WWOX: variants seen among roughly 807,000 people sequenced by gnomAD.
The protein encoded by WWOX is WW domain containing oxidoreductase.
WWOX carries 69 observed loss-of-function variants against 46.2 expected under a neutral mutation model. The observed-to-expected ratio is 1.49, with a 90% CI of 1.23 to 1.82. WWOX has a LOEUF of 1.82. Among genes scored for constraint, WWOX ranks in the 40% most tolerant of loss-of-function variants. The probability of loss-of-function intolerance (pLI) is 0.00; values close to 1 mark genes in which losing one functional copy is unlikely to be tolerated. For missense variants in WWOX, 919 were observed against 542.6 expected (o/e 1.69, Z -6.89); for synonymous variants, 359 against 202.6 (o/e 1.77, Z -6.56).
chr16:78,279,878 G>A (rs1423534221), intron 5 of WWOX, among the ~76,000 whole-genome samples: 3 of 152,260 alleles, frequency 2.0e-5, no homozygotes. Context: ...TGGTCCTTCT[G>A]TCCTGGGACC....
intron 8 of WWOX, among the ~76,000 whole-genome samples, chr16:79,002,384 C>T (rs959687651): frequency 1.1e-4 from 16 of 151,996 alleles, no homozygotes; most frequent in Admixed American, 2.0e-4. Context: ...CCACCATGCC[C>T]GGCTAGTTTT....
At chr16:78,492,594 G>A (rs974685202) in intron 8 of WWOX, among the ~76,000 whole-genome samples, 2 of 152,172 alleles carry the variant, frequency 1.3e-5, no homozygotes, top group African/African-American at 4.8e-5. Flanking sequence ...AGATATTCAT[G>A]GAATCACTGT....
intron 8 of WWOX, among the ~76,000 whole-genome samples, chr16:78,735,405 A>ACACACACACACACACACACACC (rs1182739066): frequency 5.3e-5 from 8 of 150,446 alleles, no homozygotes; most frequent in African/African-American, 2.0e-4. Context: ...ACACACACAC[A>ACACACACACACACACACACACC]CACACACACA....
chr16:78,554,350 C>T (rs915053711), intron 8 of WWOX, among the ~76,000 whole-genome samples: 20 of 152,004 alleles, frequency 1.3e-4, no homozygotes, highest in South Asian at 2.1e-4. Context: ...TATATCCTAC[C>T]GCTCAAAGCC....
intron 8 of WWOX, among the ~76,000 whole-genome samples, chr16:78,522,899 C>T (rs556861091): frequency 6.6e-6 from 1 of 152,142 alleles, no homozygotes; most frequent in Non-Finnish European, 1.5e-5. Context: ...TGGTAAAATC[C>T]CGTCTCCACT....
chr16:78,587,630 T>C (rs1214833532), intron 8 of WWOX, among the ~76,000 whole-genome samples: 3 of 152,076 alleles, frequency 2.0e-5, no homozygotes, highest in East Asian at 1.9e-4. Context: ...GTTGGATCCA[T>C]AGGACATTTT....
intron 5 of WWOX, among the ~76,000 whole-genome samples, chr16:78,362,029 G>C (rs1000210206): frequency 1.4e-5 from 2 of 142,720 alleles, no homozygotes; most frequent in Non-Finnish European, 3.0e-5. Context: ...AACCATTCCA[G>C]CTTTTTCTGG....
chr16:78,427,879 C>G (rs777644271), intron 7 of WWOX, among the ~76,000 whole-genome samples: 5 of 152,174 alleles, frequency 3.3e-5, no homozygotes, highest in Non-Finnish European at 5.9e-5. Flanking sequence ...ATCAGCCTAG[C>G]CAGCATGGCG....
At chr16:78,641,008 A>T (rs1318768617) in intron 8 of WWOX, among the ~76,000 whole-genome samples, 4 of 151,830 alleles carry the variant, frequency 2.6e-5, no homozygotes, top group African/African-American at 7.3e-5. Flanking sequence ...AAGGGAAAGG[A>T]AAGGAACCAG....
chr16:78,550,729 G>C (rs1405697169), intron 8 of WWOX: 1 of 152,130 alleles, frequency 6.6e-6, no homozygotes, highest in Non-Finnish European at 1.5e-5. Context: ...GTGGTTGGAT[G>C]GGAAGGCGGG....
intron 8 of WWOX, among the ~76,000 whole-genome samples, chr16:78,600,141 A>G (rs1038293053): frequency 6.6e-6 from 1 of 152,116 alleles, no homozygotes; most frequent in Admixed American, 6.5e-5. Flanking sequence ...ATCTCGTGAG[A>G]CTTGTTCACT....
chr16:78,767,469 AGTGTGTGTGTGTCTGTGTGTGTGTGT>A (rs1363669434), intron 8 of WWOX, among the ~76,000 whole-genome samples: 1 of 114,234 alleles, frequency 8.8e-6, no homozygotes, highest in African/African-American at 3.4e-5. Context: ...TTTCTGTGTG[AGTGTGTGTGTGTCTGTGTGTGTGTGT>A]GTGTGTGTGT....
intron 8 of WWOX, among the ~76,000 whole-genome samples, chr16:78,633,331 C>G (rs2046486226): frequency 6.6e-6 from 1 of 152,134 alleles, no homozygotes. Flanking sequence ...TGGGGCTACC[C>G]AACTAGGTCG....
intron 8 of WWOX, among the ~76,000 whole-genome samples, chr16:78,928,265 C>T (rs974007812): frequency 1.4e-4 from 21 of 148,666 alleles, no homozygotes; most frequent in Non-Finnish European, 2.8e-4. Flanking sequence ...TGCAGTGGCG[C>T]GATCTCGGCT....
intron 5 of WWOX, among the ~76,000 whole-genome samples, chr16:78,370,008 T>G (rs1467660227): frequency 6.6e-6 from 1 of 151,544 alleles, no homozygotes; most frequent in Non-Finnish European, 1.5e-5. Context: ...GGTGCATGTC[T>G]GTAATCCCAG....
At chr16:79,197,591 A>G (rs117758294) in intron 8 of WWOX, among the ~76,000 whole-genome samples, 2 of 152,266 alleles carry the variant, frequency 1.3e-5, no homozygotes, top group African/African-American at 4.8e-5. Context: ...TTATCAGACC[A>G]TTTCATTAGA....
intron 8 of WWOX, among the ~76,000 whole-genome samples, chr16:78,968,505 G>A (rs2046407864): frequency 6.6e-6 from 1 of 152,188 alleles, no homozygotes; most frequent in Non-Finnish European, 1.5e-5. Context: ...ATGTTTCATT[G>A]TTAACCATCA....
chr16:78,332,626 A>G (rs1470651095), intron 5 of WWOX, among the ~76,000 whole-genome samples: 1 of 152,172 alleles, frequency 6.6e-6, no homozygotes, highest in Non-Finnish European at 1.5e-5. Context: ...TTGGGTGGTT[A>G]ATGATCTGAT....
At chr16:79,072,508 G>A (rs911008016) in intron 8 of WWOX, among the ~76,000 whole-genome samples, 2 of 152,178 alleles carry the variant, frequency 1.3e-5, no homozygotes, top group Non-Finnish European at 2.9e-5. Flanking sequence ...ACAGAGAAAA[G>A]CTACACCATT....
Sources: gnomAD v4.1 joint callset for allele counts (sites outside exome capture counted in the v4.1 genomes callset) on GRCh38, gnomAD v4.1.1 for gene constraint, MANE v1.5 for transcripts, NCBI Gene and HGNC (gene_info 2026-07-23, HGNC 2026-07-21) for gene names.